DENND5A: variants seen among roughly 807,000 people sequenced by gnomAD.
DENND5A encodes DENN domain containing 5A.
DENND5A carries 64 observed loss-of-function variants against 140.3 expected under a neutral mutation model. That is an observed-to-expected ratio of 0.46 (90% CI 0.37 to 0.56). DENND5A has a LOEUF of 0.56. Ranked by LOEUF, DENND5A falls within the 20% of genes least tolerant of loss-of-function variation. The pLI is 0.00. For missense variants in DENND5A, 1,292 were observed against 1,593.8 expected (o/e 0.81, Z 3.22); for synonymous variants, 605 against 607.7 (o/e 1.00, Z 0.07).
At chr11:9,171,165 AAGAG>A (rs1258039257) in intron 8 of DENND5A, 1 of 177,208 alleles carries the variant, frequency 5.6e-6, no homozygotes, top group African/African-American at 2.4e-5. Flanking sequence ...AGTACCAGAG[AAGAG>A]AGAGAATCCA....
chr11:9,148,875 A>G (rs1234789498), intron 15 of DENND5A, among the ~76,000 whole-genome samples: 4 of 152,242 alleles, frequency 2.6e-5, no homozygotes, highest in African/African-American at 9.6e-5. Flanking sequence ...AGAAGTCATG[A>G]GAATTGGGTG....
At chr11:9,251,788 G>A (rs896338939) in intron 1 of DENND5A, among the ~76,000 whole-genome samples, 26 of 151,708 alleles carry the variant, frequency 1.7e-4, no homozygotes, top group Admixed American at 1.1e-3. Flanking sequence ...AGGAGATCGA[G>A]ACCATCCTGG....
At chr11:9,253,668 C>G (rs1367873742) in intron 1 of DENND5A, among the ~76,000 whole-genome samples, 2 of 151,978 alleles carry the variant, frequency 1.3e-5, no homozygotes, top group African/African-American at 4.8e-5. Context: ...TTTGGGAGGC[C>G]GAGGTGGGCA....
rs762817124 is a variant in DENND5A at position 9,170,717 on chromosome 11, A to G, written c.1967T>C (p.Leu656Pro). 7 of 1,613,962 alleles carry G rather than the reference A, an allele frequency of 4.3e-6. No homozygotes were observed. Among genetic ancestry groups the G allele is most frequent in the Non-Finnish European group, 5.1e-6 (6 of 1,180,024 alleles). The change falls in exon 9 of 23, where the codon CTT (leucine) becomes CCT (proline). Residue 656 changes from leucine (L) to proline (P), a missense_variant. This residue lies in a region of DENND5A where 199 missense variants were observed against 189.1 expected (regional missense o/e 1.05). Coordinates refer to ENST00000328194, the MANE Select transcript of DENND5A (RefSeq NM_015213.4). ...TTTCCCTTGTCCAATCTTCATGTCA[A>G]GTAAATGTGGGTGAATTGCAGTATG... ...IDHTAIHPHL[L>P]DMKIGQGKYE...
chr11:9,162,164 T>G (rs1320302111), intron 11 of DENND5A, among the ~76,000 whole-genome samples: 1 of 151,036 alleles, frequency 6.6e-6, no homozygotes, highest in Non-Finnish European at 1.5e-5. Flanking sequence ...GTTTTTAACC[T>G]TCTTATTGTG....
chr11:9,247,521 T>A (rs1435685615), intron 1 of DENND5A, among the ~76,000 whole-genome samples: 1 of 145,070 alleles, frequency 6.9e-6, no homozygotes, highest in Non-Finnish European at 1.5e-5. Flanking sequence ...TTTTATCAAA[T>A]AAAAACTCTA....
At chr11:9,223,117 C>T (rs542180502) in intron 1 of DENND5A, among the ~76,000 whole-genome samples, 1 of 152,222 alleles carries the variant, frequency 6.6e-6, no homozygotes, top group Non-Finnish European at 1.5e-5. Flanking sequence ...CGGCTGGGCG[C>T]GGTGGCTCAT....
chr11:9,264,282 C>T (rs1852343257), intron 1 of DENND5A, among the ~76,000 whole-genome samples: 1 of 152,144 alleles, frequency 6.6e-6, no homozygotes, highest in South Asian at 2.1e-4. Flanking sequence ...GCCTCTCCAA[C>T]TACAATGCTG....
chr11:9,248,782 A>G (rs1851589399), intron 1 of DENND5A, among the ~76,000 whole-genome samples: 1 of 152,086 alleles, frequency 6.6e-6, no homozygotes, highest in South Asian at 2.1e-4. Context: ...CATCTAACTT[A>G]CCCAAAATAA....
intron 3 of DENND5A, among the ~76,000 whole-genome samples, chr11:9,204,690 C>A (rs6486204): frequency 6.6e-6 from 1 of 152,056 alleles, no homozygotes; most frequent in Non-Finnish European, 1.5e-5. Flanking sequence ...TGGCGAAACC[C>A]TGTCTCTACT....
chr11:9,231,608 A>G (rs1207660889), intron 1 of DENND5A, among the ~76,000 whole-genome samples: 1 of 151,008 alleles, frequency 6.6e-6, no homozygotes, highest in Admixed American at 6.7e-5. Flanking sequence ...CTAGCTACTC[A>G]GGAGACTGAG....
At chr11:9,172,918 C>T (rs1848418557) in intron 8 of DENND5A, among the ~76,000 whole-genome samples, 1 of 152,074 alleles carries the variant, frequency 6.6e-6, no homozygotes, top group African/African-American at 2.4e-5. Flanking sequence ...CGGGTTCAAG[C>T]AATTCTTGTG....
At chr11:9,165,757 G>GTTTTTAA (rs1848167457) in intron 11 of DENND5A, 79 bp downstream of exon 11, 1 of 1,512,456 alleles carries the variant, frequency 6.6e-7, no homozygotes, top group Non-Finnish European at 9.1e-7. Context: ...AAATCCAGAG[G>GTTTTTAA]GAGTGGTCAG....
At chr11:9,264,481 G>A (rs1301473775) in intron 1 of DENND5A, among the ~76,000 whole-genome samples, 1 of 152,110 alleles carries the variant, frequency 6.6e-6, no homozygotes, top group African/African-American at 2.4e-5. Context: ...GACTCAGGGG[G>A]CCCAGCCCAG....
At chr11:9,177,815 G>A (rs994542321) in intron 8 of DENND5A, 1 of 217,452 alleles carries the variant, frequency 4.6e-6, no homozygotes, top group African/African-American at 2.3e-5. Context: ...TTGTTTACAT[G>A]GTTGAGCAGC....
chr11:9,238,426 CTTTT>C (rs1213583548), intron 1 of DENND5A, among the ~76,000 whole-genome samples: 1 of 143,890 alleles, frequency 6.9e-6, no homozygotes. Context: ...CTTTAAATTA[CTTTT>C]TTTTTTTTTG....
At chr11:9,158,091 T>C (rs779782365) in intron 12 of DENND5A, among the ~76,000 whole-genome samples, 3 of 152,204 alleles carry the variant, frequency 2.0e-5, no homozygotes, top group Admixed American at 6.5e-5. Flanking sequence ...TAATAAGAGA[T>C]TGATTAAAGT....
intron 1 of DENND5A, among the ~76,000 whole-genome samples, chr11:9,257,156 C>A (rs868548213): frequency 8.6e-5 from 13 of 151,874 alleles, no homozygotes; most frequent in Non-Finnish European, 1.3e-4. Context: ...ATTATAGGCA[C>A]CCACCACCAC....
At chr11:9,164,933 T>C (rs1848135084) in intron 11 of DENND5A, among the ~76,000 whole-genome samples, 1 of 152,222 alleles carries the variant, frequency 6.6e-6, no homozygotes. Flanking sequence ...AAGGCGAGCC[T>C]GGGCAATATA....
Sources: allele counts gnomAD v4.1 joint callset (sites outside exome capture counted in the v4.1 genomes callset), GRCh38; gene constraint gnomAD v4.1.1; regional missense constraint gnomAD v4.1.1; transcripts MANE v1.5; gene names NCBI Gene and HGNC (gene_info 2026-07-23, HGNC 2026-07-21).